EYS: variants seen among roughly 807,000 people sequenced by gnomAD.
EYS encodes protein eyes shut homolog.
Under a neutral mutation model 282.1 loss-of-function variants are expected in EYS, and 250 were observed. That is an observed-to-expected ratio of 0.89 (90% CI 0.80 to 0.98). The LOEUF (loss-of-function observed/expected upper bound fraction) is 0.98, where lower values mean the gene tolerates loss of function less well. Among genes scored for constraint, EYS ranks in the 50% least tolerant of loss-of-function variants. The pLI is 0.00. For synonymous variants in EYS, 1,355 were observed against 1,282.9 expected (o/e 1.06, Z -1.20); for missense variants, 4,016 against 3,709.0 (o/e 1.08, Z -2.15).
At chr6:64,249,491 T>C (rs1056888838) in intron 30 of EYS, among the ~76,000 whole-genome samples, 1 of 152,184 alleles carries the variant, frequency 6.6e-6, no homozygotes, top group Non-Finnish European at 1.5e-5. Flanking sequence ...GTGCAATCTA[T>C]GCATATAACA....
intron 22 of EYS, among the ~76,000 whole-genome samples, chr6:64,683,821 G>C (rs73440853): frequency 6.6e-6 from 1 of 152,146 alleles, no homozygotes; most frequent in African/African-American, 2.4e-5. Context: ...AATTCCACTA[G>C]GGTTGGGACC....
intron 30 of EYS, among the ~76,000 whole-genome samples, chr6:64,303,467 G>T (rs1769307813): frequency 6.6e-6 from 1 of 152,174 alleles, no homozygotes; most frequent in African/African-American, 2.4e-5. Context: ...AGAAAAGGGG[G>T]AGATACAAGA....
At chr6:64,335,228 C>A (rs1770797493) in intron 29 of EYS, among the ~76,000 whole-genome samples, 1 of 151,904 alleles carries the variant, frequency 6.6e-6, no homozygotes, top group South Asian at 2.1e-4. Context: ...CATAAAGTTG[C>A]TGCAAAGTGT....
At chr6:65,227,923 A>G (rs1006191740) in intron 12 of EYS, among the ~76,000 whole-genome samples, 34 of 152,256 alleles carry the variant, frequency 2.2e-4, no homozygotes, top group South Asian at 4.1e-4. Context: ...GAAGGGGGAA[A>G]TAGGCGACTA....
intron 22 of EYS, among the ~76,000 whole-genome samples, chr6:64,697,642 A>G (rs567578092): frequency 1.6e-4 from 25 of 152,230 alleles, no homozygotes; most frequent in Admixed American, 5.9e-4. Flanking sequence ...AATTAACAAA[A>G]CCAGTCTCAA....
rs562729926 is a variant in EYS at position 64,295,823 on chromosome 6, C to G, written c.6191+11147G>C. ...ACAATTCGAACTTTCAAGCATATTT[C>G]AGAATTTTGGGTAAGTCATCCACCA... On this transcript the variant is annotated intron_variant, in intron 30 of 42. Coordinates refer to ENST00000503581, the MANE Select transcript of EYS (RefSeq NM_001142800.2). Among the ~76,000 whole-genome samples the G allele has an allele frequency of 2.6e-5, 4 of 152,062 alleles. No individual in the cohort carries two copies. In the South Asian group the frequency reaches 8.3e-4, roughly 32 times the overall value.
chr6:65,649,691 TATTTAG>T (rs1562309155), intron 1 of EYS, among the ~76,000 whole-genome samples: 1 of 152,194 alleles, frequency 6.6e-6, no homozygotes, highest in Non-Finnish European at 1.5e-5. Context: ...AGATCAGAAC[TATTTAG>T]ATTGTTTTTT....
chr6:65,491,452 T>G (rs555508877), intron 4 of EYS: 1 of 324,234 alleles, frequency 3.1e-6, no homozygotes, highest in Non-Finnish European at 6.2e-6. Context: ...TATGTTTTTT[T>G]CCCCAGTTTA....
chr6:64,446,533 G>A (rs1263213590), intron 26 of EYS, among the ~76,000 whole-genome samples: 4 of 148,492 alleles, frequency 2.7e-5, no homozygotes, highest in Non-Finnish European at 3.0e-5. Context: ...AAAGTGTAAA[G>A]GAATCTTAGC....
At chr6:65,041,038 T>C (rs1203941930) in intron 13 of EYS, among the ~76,000 whole-genome samples, 2 of 151,792 alleles carry the variant, frequency 1.3e-5, no homozygotes, top group Non-Finnish European at 3.0e-5. Context: ...GCTACTTTAC[T>C]ACAGTTTCTC....
At chr6:63,817,555 C>A (rs1448990220) in intron 36 of EYS, among the ~76,000 whole-genome samples, 2 of 152,136 alleles carry the variant, frequency 1.3e-5, no homozygotes, top group Non-Finnish European at 2.9e-5. Flanking sequence ...AGTCTCCTGT[C>A]TCCTGACAGG....
intron 42 of EYS, among the ~76,000 whole-genome samples, chr6:63,726,131 A>C (rs1165497785): frequency 6.6e-6 from 1 of 152,176 alleles, no homozygotes; most frequent in Admixed American, 6.5e-5. Context: ...AACAACTTAA[A>C]GAGAATTTTT....
chr6:65,045,445 G>T (rs1296499311), intron 13 of EYS, among the ~76,000 whole-genome samples: 1 of 151,834 alleles, frequency 6.6e-6, no homozygotes, highest in Non-Finnish European at 1.5e-5. Flanking sequence ...AAGTTTTGGA[G>T]ATGGAGTCTT....
At chr6:64,816,534 T>TGATA (rs1292463767) in intron 21 of EYS, among the ~76,000 whole-genome samples, 1 of 152,108 alleles carries the variant, frequency 6.6e-6, no homozygotes, top group Non-Finnish European at 1.5e-5. Context: ...GCATGAGTCG[T>TGATA]GATAGGCTTT....
At chr6:64,178,209 G>A (rs1035976824) in intron 31 of EYS, among the ~76,000 whole-genome samples, 1 of 152,000 alleles carries the variant, frequency 6.6e-6, no homozygotes, top group Admixed American at 6.6e-5. Flanking sequence ...TTTTCCAGTT[G>A]CATTGCTATC....
intron 33 of EYS, among the ~76,000 whole-genome samples, chr6:64,013,392 A>G (rs972461971): frequency 2.6e-5 from 4 of 152,182 alleles, no homozygotes; most frequent in African/African-American, 9.7e-5. Flanking sequence ...GCATTCATAT[A>G]ATGACAATTA....
intron 30 of EYS, among the ~76,000 whole-genome samples, chr6:64,284,861 G>A (rs1446869105): frequency 1.3e-5 from 2 of 152,070 alleles, no homozygotes; most frequent in African/African-American, 4.8e-5. Flanking sequence ...AGGGATGCAG[G>A]GCAACAAGTC....
At chr6:65,566,782 T>C (rs1215782056) in intron 2 of EYS, among the ~76,000 whole-genome samples, 1 of 152,188 alleles carries the variant, frequency 6.6e-6, no homozygotes, top group Admixed American at 6.6e-5. Context: ...CAGAGTTTCC[T>C]TCTTCTCTAG....
intron 22 of EYS, among the ~76,000 whole-genome samples, chr6:64,669,403 A>AAG (rs199730492): frequency 1.7e-4 from 26 of 151,470 alleles, no homozygotes; most frequent in Admixed American, 5.9e-4. Flanking sequence ...GGGAAAGATG[A>AAG]AGAGAGAGAG....
Sources: gnomAD v4.1 joint callset for allele counts (sites outside exome capture counted in the v4.1 genomes callset) on GRCh38, gnomAD v4.1.1 for gene constraint, MANE v1.5 for transcripts, NCBI Gene and HGNC (gene_info 2026-07-23, HGNC 2026-07-21) for gene names.